ADAMTS16: variants seen among roughly 807,000 people sequenced by gnomAD.
ADAMTS16 encodes the protein ADAM metallopeptidase with thrombospondin type 1 motif 16, also known as A disintegrin and metalloproteinase with thrombospondin motifs 16.
A neutral mutation model predicts 145.8 loss-of-function variants in ADAMTS16; 94 were observed. That is an observed-to-expected ratio of 0.64 (90% CI 0.55 to 0.77). The LOEUF (loss-of-function observed/expected upper bound fraction) is 0.77. Among genes scored for constraint, ADAMTS16 ranks in the 30% least tolerant of loss-of-function variants. The pLI, the probability that ADAMTS16 is intolerant of heterozygous loss-of-function variation, is 0.00. For missense variants in ADAMTS16, 1,585 were observed against 1,591.5 expected (o/e 1.00, Z 0.07); for synonymous variants, 659 against 604.3 (o/e 1.09, Z -1.33).
intron 18 of ADAMTS16, among the ~76,000 whole-genome samples, chr5:5,299,467 G>A (rs1396574998): frequency 6.6e-6 from 1 of 151,986 alleles, no homozygotes; most frequent in African/African-American, 2.4e-5. Context: ...TTGGAAACTT[G>A]CATTTTCAAA....
At chr5:5,188,935 G>A (rs1437748925) in intron 6 of ADAMTS16, among the ~76,000 whole-genome samples, 2 of 152,130 alleles carry the variant, frequency 1.3e-5, no homozygotes, top group African/African-American at 2.4e-5. Context: ...AAGAATAAGC[G>A]AGGTTATCGT....
intron 3 of ADAMTS16, among the ~76,000 whole-genome samples, chr5:5,158,122 T>TGATA (rs1333967068): frequency 1.3e-5 from 2 of 152,214 alleles, no homozygotes; most frequent in Non-Finnish European, 2.9e-5. Context: ...TTCCTTCTTA[T>TGATA]GCATCCATAC....
At position 5,317,431 on chromosome 5, in the gene ADAMTS16, G is replaced by T. The variant is rs529139746; in HGVS notation, c.3412-703G>T. On this transcript the variant is annotated intron_variant, in intron 21 of 22. Coordinates refer to ENST00000274181, the MANE Select transcript of ADAMTS16 (RefSeq NM_139056.4). This position sits in a 1 kb window ranked among gnomAD's most constrained non-coding sequence, Gnocchi z 4.5. ...ATTTTTGAGATGGAGTTTTGCTCTT[G>T]TTGCCCAGGCTGAAGTGCTGTGGCA... 4.9e-4 allele frequency among the ~76,000 whole-genome samples: 74 copies of T among 152,214 alleles called. No individual in the cohort carries two copies. The highest frequency in any genetic ancestry group is 3.4e-3 in the Middle Eastern group (1 of 294).
intron 3 of ADAMTS16, among the ~76,000 whole-genome samples, chr5:5,174,900 C>T (rs1735146756): frequency 6.6e-6 from 1 of 152,168 alleles, no homozygotes; most frequent in South Asian, 2.1e-4. Context: ...GTGGTGAATG[C>T]TGCCAGGACT....
intron 9 of ADAMTS16, among the ~76,000 whole-genome samples, chr5:5,208,862 G>A (rs148873345): frequency 1.4e-3 from 214 of 152,198 alleles, no homozygotes; most frequent in African/African-American, 4.6e-3. Context: ...AGTACAAATC[G>A]TCTCCCTGGA....
chr5:5,149,354 T>C (rs1734390281), intron 3 of ADAMTS16, among the ~76,000 whole-genome samples: 1 of 151,976 alleles, frequency 6.6e-6, no homozygotes, highest in South Asian at 2.1e-4. Context: ...TACTTTCCAG[T>C]ACTTGGTTAA....
chr5:5,239,042 T>G, intron 14 of ADAMTS16, 109 bp from the exon 15 acceptor site: 2 of 1,254,430 alleles, frequency 1.6e-6, no homozygotes, highest in East Asian at 5.5e-5. Context: ...CCTATGTTGG[T>G]GAAATTTTCA....
intron 14 of ADAMTS16, among the ~76,000 whole-genome samples, chr5:5,237,758 C>T (rs1284564595): frequency 6.6e-6 from 1 of 152,216 alleles, no homozygotes; most frequent in East Asian, 1.9e-4. Flanking sequence ...AGCAGCTACA[C>T]TTTCACTGAG....
Position 5,140,455 on chromosome 5 carries a change from G to C in ADAMTS16, c.-13G>C, listed in dbSNP as rs1011966165. ...ACCCTCCGGTGGCCCCTAGCCCCTC[G>C]GAGCGCTCCTGGATGAAGCCCCGCG... is the stretch of plus-strand genomic sequence containing the variant. On this transcript the variant is annotated 5_prime_UTR_variant, in exon 1 of 23. Coordinates refer to ENST00000274181, the MANE Select transcript of ADAMTS16 (RefSeq NM_139056.4). The C allele has an allele frequency of 1.1e-5, 16 of 1,504,106 alleles. No homozygotes were observed. Among genetic ancestry groups the C allele is most frequent in the Non-Finnish European group, 1.4e-5 (16 of 1,134,968 alleles). The allele number at this position is 1,504,106 out of a possible 1,614,324, so 93.2% of individuals were successfully genotyped here.
intron 17 of ADAMTS16, among the ~76,000 whole-genome samples, chr5:5,251,008 T>C (rs1737607287): frequency 6.6e-6 from 1 of 151,982 alleles, no homozygotes; most frequent in Non-Finnish European, 1.5e-5. Context: ...TTCAGAGCAG[T>C]CGGGGCCTCC....
intron 3 of ADAMTS16, among the ~76,000 whole-genome samples, chr5:5,147,635 G>A (rs1734338903): frequency 6.6e-6 from 1 of 152,108 alleles, no homozygotes; most frequent in Non-Finnish European, 1.5e-5. Flanking sequence ...TGGTTATTTG[G>A]CGCTCTTGTT....
At chr5:5,237,755 A>G (rs2126381985) in intron 14 of ADAMTS16, among the ~76,000 whole-genome samples, 1 of 152,236 alleles carries the variant, frequency 6.6e-6, no homozygotes, top group Middle Eastern at 3.4e-3. Context: ...TAGAGCAGCT[A>G]CACTTTCACT....
intron 4 of ADAMTS16, among the ~76,000 whole-genome samples, chr5:5,185,142 T>G (rs145270374): frequency 6.6e-6 from 1 of 152,328 alleles, no homozygotes; most frequent in East Asian, 1.9e-4. Context: ...AAACATTAGC[T>G]GGTATCATTA....
chr5:5,177,106 T>C (rs976601796), intron 3 of ADAMTS16, among the ~76,000 whole-genome samples: 1 of 152,198 alleles, frequency 6.6e-6, no homozygotes, highest in African/African-American at 2.4e-5. Flanking sequence ...TATTTATGTT[T>C]TACAAATATG....
chr5:5,253,266 G>A (rs1347859861), intron 17 of ADAMTS16, among the ~76,000 whole-genome samples: 1 of 152,238 alleles, frequency 6.6e-6, no homozygotes, highest in Admixed American at 6.5e-5. Context: ...GGAGACATGA[G>A]ACATTAATCA....
chr5:5,235,095 T>A lies in ADAMTS16; in HGVS notation c.1932T>A (p.Ser644Arg). 4.4e-6 allele frequency: 7 copies of A among 1,608,150 alleles called. No homozygotes were observed. The highest frequency in any genetic ancestry group is 6.0e-6 in the Non-Finnish European group (7 of 1,175,168). Residue 644 changes from serine (S) to arginine (R), a missense_variant, in exon 13 of 23, where the codon AGT becomes AGA. Physicochemically the swap from Ser to Arg is moderately radical, Grantham distance 110. Coordinates refer to ENST00000274181, the MANE Select transcript of ADAMTS16 (RefSeq NM_139056.4). ...LCNSQKCPRD[S>R]VDFRAAQCAE... ...ACAGTCAGAAATGTCCCCGGGACAGTGTTGACTTCCGTGCTGCTCAGTGTG... is the reference window on the plus strand; with the variant it reads ...ACAGTCAGAAATGTCCCCGGGACAGAGTTGACTTCCGTGCTGCTCAGTGTG...
chr5:5,204,406 A>G (rs1353259714), intron 9 of ADAMTS16, among the ~76,000 whole-genome samples: 3 of 152,190 alleles, frequency 2.0e-5, no homozygotes, highest in Non-Finnish European at 4.4e-5. Context: ...TGATGAACGC[A>G]ATAGTGTAAC....
intron 18 of ADAMTS16, among the ~76,000 whole-genome samples, chr5:5,290,142 T>G (rs1739252507): frequency 6.6e-6 from 1 of 152,244 alleles, no homozygotes; most frequent in African/African-American, 2.4e-5. Context: ...GTCTTCAGGA[T>G]AGCAAAATCT....
At chr5:5,244,041 C>T (rs914536752) in intron 17 of ADAMTS16, among the ~76,000 whole-genome samples, 6 of 152,156 alleles carry the variant, frequency 3.9e-5, no homozygotes, top group African/African-American at 9.7e-5. Context: ...AATTCAACAG[C>T]GGGATGGAGT....
Sources: gnomAD v4.1 joint callset for allele counts (sites outside exome capture counted in the v4.1 genomes callset) on GRCh38, gnomAD v4.1.1 for gene constraint, Gnocchi (gnomAD v3.1) non-coding constraint, MANE v1.5 for transcripts, NCBI Gene and HGNC (gene_info 2026-07-23, HGNC 2026-07-21) for gene names.